Variants in LNX1 observed in about 807,000 individuals in gnomAD.
The protein encoded by LNX1 is E3 ubiquitin-protein ligase LNX.
Under a neutral mutation model 68.4 loss-of-function variants are expected in LNX1, and 54 were observed. The observed-to-expected ratio is 0.79, with a 90% CI of 0.63 to 0.99. The LOEUF is 0.99. LNX1 is among the 50% of genes least tolerant of loss of function. The pLI is 0.00. For missense variants in LNX1, 906 were observed against 926.4 expected, an observed-to-expected ratio of 0.98 and a Z score of 0.29; for synonymous variants, 336 against 350.0, an observed-to-expected ratio of 0.96 and a Z score of 0.45.
chr4:53,628,961 T>C (rs1293426970), intron 1 of LNX1, among the ~76,000 whole-genome samples: 1 of 152,120 alleles, frequency 6.6e-6, no homozygotes, highest in Non-Finnish European at 1.5e-5. Flanking sequence ...GATAATGGAC[T>C]ATGGAGGCTC....
At chr4:53,491,277 A>G (rs887523267) in intron 6 of LNX1, among the ~76,000 whole-genome samples, 16 of 150,676 alleles carry the variant, frequency 1.1e-4, no homozygotes, top group Admixed American at 9.9e-4. Flanking sequence ...AAGTGAGAAA[A>G]AAAAAAAAAA....
chr4:53,469,257 A>G (rs923130150), intron 9 of LNX1, among the ~76,000 whole-genome samples: 5 of 151,930 alleles, frequency 3.3e-5, no homozygotes, highest in Non-Finnish European at 5.9e-5. Flanking sequence ...ACATAACGAA[A>G]TGAAGGCAGA....
At chr4:53,613,520 C>A (rs868198565) in intron 2 of LNX1, among the ~76,000 whole-genome samples, 2 of 152,088 alleles carry the variant, frequency 1.3e-5, no homozygotes, top group African/African-American at 4.8e-5. Context: ...CACCCCCCAC[C>A]GTCCAGTAAG....
chr4:53,636,109 A>G (rs1399797754), intron 1 of LNX1, among the ~76,000 whole-genome samples: 1 of 149,576 alleles, frequency 6.7e-6, no homozygotes, highest in East Asian at 2.0e-4. Flanking sequence ...AATAATAACT[A>G]CTGAGGACAA....
intron 2 of LNX1, among the ~76,000 whole-genome samples, chr4:53,512,276 A>T (rs1038785009): frequency 1.1e-4 from 17 of 151,578 alleles, no homozygotes; most frequent in African/African-American, 4.1e-4. Context: ...TGGTAGCAAG[A>T]TTTTAAGATT....
At chr4:53,514,998 A>G (rs1726654534) in intron 2 of LNX1, among the ~76,000 whole-genome samples, 1 of 152,232 alleles carries the variant, frequency 6.6e-6, no homozygotes, top group African/African-American at 2.4e-5. Flanking sequence ...TATTTAATGA[A>G]TCTAAATCCA....
chr4:53,635,062 T>C (rs1734419562), intron 1 of LNX1, among the ~76,000 whole-genome samples: 1 of 152,154 alleles, frequency 6.6e-6, no homozygotes, highest in Admixed American at 6.5e-5. Context: ...ACTTCTGGGC[T>C]CAAGCAATCC....
intron 2 of LNX1, among the ~76,000 whole-genome samples, chr4:53,538,622 C>A (rs1164748696): frequency 6.6e-6 from 1 of 152,204 alleles, no homozygotes; most frequent in Non-Finnish European, 1.5e-5. Context: ...TCATGGCATG[C>A]ATTTGGTTAA....
intron 6 of LNX1, 148 bp from the exon 7 acceptor site, chr4:53,482,002 A>T: frequency 2.0e-6 from 2 of 1,008,028 alleles, no homozygotes. Context: ...GTTACTATCC[A>T]TCTTGTAATT....
intron 9 of LNX1, among the ~76,000 whole-genome samples, chr4:53,472,094 C>G (rs1723231970): frequency 1.3e-5 from 2 of 152,142 alleles, no homozygotes; most frequent in East Asian, 3.9e-4. Context: ...ACCCAAATTT[C>G]CAACAATGAT....
intron 9 of LNX1, among the ~76,000 whole-genome samples, chr4:53,465,106 C>T (rs974715776): frequency 2.0e-5 from 3 of 152,024 alleles, no homozygotes; most frequent in Non-Finnish European, 4.4e-5. Context: ...TGTTATTGGC[C>T]ATTGAAAAAC....
rs180801789 is a variant in LNX1 at position 53,533,651 on chromosome 4, C to T, written c.381-25424G>A. Among the ~76,000 whole-genome samples the T allele has an allele frequency of 8.5e-5, 13 of 152,290 alleles. No individual in the cohort carries two copies. The East Asian group carries it at 1.7e-3, about 20-fold the overall frequency. The stretch of plus-strand genomic sequence containing the variant: ...CTGTCCTCGAGTGATCCGCCCGCCT[C>T]GGCCTCCCAAAGTGCTGGGATTACA... On this transcript the variant is annotated intron_variant, in intron 2 of 10. Coordinates refer to ENST00000263925, the MANE Select transcript of LNX1 (RefSeq NM_001126328.3).
At chr4:53,647,068 C>G (rs1184728739) in intron 1 of LNX1, among the ~76,000 whole-genome samples, 2 of 152,160 alleles carry the variant, frequency 1.3e-5, no homozygotes, top group Non-Finnish European at 2.9e-5. Flanking sequence ...TTTTTCCTGT[C>G]CCAGCACCAG....
chr4:53,625,614 T>C (rs1344611956), intron 1 of LNX1, among the ~76,000 whole-genome samples: 1 of 151,992 alleles, frequency 6.6e-6, no homozygotes, highest in Admixed American at 6.6e-5. Flanking sequence ...CTGGGCAACA[T>C]AGTGACACCC....
intron 2 of LNX1, among the ~76,000 whole-genome samples, chr4:53,598,839 A>G (rs1486989312): frequency 6.6e-6 from 1 of 152,224 alleles, no homozygotes; most frequent in Admixed American, 6.5e-5. Flanking sequence ...TAATGAAGAC[A>G]TTAATTCATT....
Position 53,459,999 on chromosome 4 carries a change from A to G in LNX1, c.*908T>C, listed in dbSNP as rs1721544415. 4.7e-6 allele frequency: 1 copy of G among 211,648 alleles called. No homozygotes were observed. The highest frequency in any genetic ancestry group is 9.6e-6 in the Non-Finnish European group (1 of 104,520). The allele number at this position is 211,648 out of a possible 1,614,324, so 13.1% of individuals were successfully genotyped here. ...TTCCTGGTGAAACCAAATGGGGTAC[A>G]CTTTCATATCCAAATTAATAAAACC... On this transcript the variant is annotated 3_prime_UTR_variant, in exon 11 of 11. Transcript: ENST00000263925.
At chr4:53,539,639 T>A (rs1728615081) in intron 2 of LNX1, among the ~76,000 whole-genome samples, 1 of 152,290 alleles carries the variant, frequency 6.6e-6, no homozygotes, top group Non-Finnish European at 1.5e-5. Context: ...ATGATTCATA[T>A]GAATATTCAG....
intron 1 of LNX1, among the ~76,000 whole-genome samples, chr4:53,589,305 A>G (rs1350473609): frequency 2.0e-5 from 3 of 152,202 alleles, no homozygotes; most frequent in African/African-American, 4.8e-5. Flanking sequence ...AAATCTGCCC[A>G]CCTTGTTTGA....
intron 1 of LNX1, among the ~76,000 whole-genome samples, chr4:53,580,243 G>A (rs1731751710): frequency 1.3e-5 from 2 of 152,250 alleles, no homozygotes; most frequent in South Asian, 4.1e-4. Context: ...TACCCTAGGA[G>A]CTCTTTAGAA....
Sources: allele counts gnomAD v4.1 joint callset (sites outside exome capture counted in the v4.1 genomes callset), GRCh38; gene constraint gnomAD v4.1.1; transcripts MANE v1.5; gene names NCBI Gene and HGNC (gene_info 2026-07-23, HGNC 2026-07-21).